The following PDCD6 variants were observed in gnomAD, a reference collection of about 807,000 sequenced individuals.
PDCD6 encodes the protein programmed cell death 6.
PDCD6 carries 12 observed loss-of-function variants against 28.3 expected under a neutral mutation model. The ratio of observed to expected loss-of-function variants is 0.42; its 90% CI spans 0.27 to 0.69. The LOEUF (loss-of-function observed/expected upper bound fraction) is 0.69, where lower values mean the gene tolerates loss of function less well. Among genes scored for constraint, PDCD6 ranks in the 30% least tolerant of loss-of-function variants. The pLI is 0.22. For missense variants in PDCD6, 226 were observed against 269.9 expected, an observed-to-expected ratio of 0.84 and a Z score of 1.14; for synonymous variants, 92 against 108.0, an observed-to-expected ratio of 0.85 and a Z score of 0.92.
At chr5:271,926 C>T in intron 1 of PDCD6, 105 bp downstream of exon 1, 1 of 520,418 alleles carries the variant, frequency 1.9e-6, no homozygotes, top group Non-Finnish European at 3.1e-6. Flanking sequence ...TCTACTGCGG[C>T]CTCCTCCGTC....
intron 3 of PDCD6, chr5:306,007 C>T (rs1157466991): frequency 6.5e-6 from 1 of 153,908 alleles, no homozygotes; most frequent in Non-Finnish European, 1.4e-5. Flanking sequence ...GTTTTTTAGC[C>T]ATATTGCAAC....
At position 290,376 on chromosome 5, in the gene PDCD6, C is replaced by T. The variant is rs551924273; in HGVS notation, c.164-13801C>T. 1.9e-4 allele frequency: 171 copies of T among 909,594 alleles called. 1 individual carries two copies. Among genetic ancestry groups the T allele is most frequent in the South Asian group, 1.3e-3 (88 of 68,502 alleles). 56.3% of individuals were successfully genotyped at this position (909,594 alleles called of 1,614,324 possible). ...CTCCCTCCGCAGGTCTCTTGGGGAC[C>T]GGAATGCCTCCCCCCACCCCCCGAC... On this transcript the variant is annotated intron_variant, in intron 2 of 5. Coordinates refer to ENST00000264933, the MANE Select transcript of PDCD6 (RefSeq NM_013232.4).
rs1561046930 is a variant in PDCD6 at position 302,395 on chromosome 5, C to CTGTGTG, written c.164-1780_164-1775dup. 3.7e-4 allele frequency among the ~76,000 whole-genome samples: 28 copies of CTGTGTG among 76,196 alleles called. 1 individual carries two copies. The highest frequency in any genetic ancestry group is 2.0e-3 in the African/African-American group (17 of 8,426). The allele number at this position is 76,196 out of a possible 152,430, so 50.0% of individuals were successfully genotyped here. ...GGAGGGTGGGTCGTGGAGTGCTGCTCTGTGTGTATGCCTCAGGTTCAGGTG... is the reference window on the plus strand; with the variant it reads ...GGAGGGTGGGTCGTGGAGTGCTGCTCTGTGTGTGTGTGTATGCCTCAGGTTCAGGTG... On this transcript the variant is annotated intron_variant, in intron 2 of 5. Transcript: ENST00000264933.
rs1740466339 is a variant in PDCD6, at chr5:306,163, T to C, written c.209-439T>C. On this transcript the variant is annotated intron_variant, in intron 3 of 5. Coordinates refer to ENST00000264933, the MANE Select transcript of PDCD6 (RefSeq NM_013232.4). ...AAGACTCCACCAGTGCTGTGGGCCC[T>C]GGAGAGTCAGAGGGTCAGCTCTGGG... The C allele has an allele frequency of 1.0e-5, 2 of 197,492 alleles. 1 individual carries two copies. Among genetic ancestry groups the C allele is most frequent in the South Asian group, 2.1e-4 (2 of 9,668 alleles). The allele number at this position is 197,492 out of a possible 1,614,324, so 12.2% of individuals were successfully genotyped here.
chr5:275,048 G>C (rs1738100470), intron 2 of PDCD6, among the ~76,000 whole-genome samples: 1 of 84,614 alleles, frequency 1.2e-5, no homozygotes, highest in African/African-American at 4.2e-5. Context: ...CCTTTACCTT[G>C]GGCTCTGAGC....
intron 2 of PDCD6, among the ~76,000 whole-genome samples, chr5:275,536 G>A (rs1250280694): frequency 2.0e-5 from 3 of 152,252 alleles, no homozygotes; most frequent in Non-Finnish European, 4.4e-5. Context: ...TGGCTCACCA[G>A]TAATGAGAGT....
chr5:281,189 A>G (rs1281022400), intron 2 of PDCD6, among the ~76,000 whole-genome samples: 2 of 152,272 alleles, frequency 1.3e-5, no homozygotes, highest in Non-Finnish European at 2.9e-5. Flanking sequence ...ATGAACATAA[A>G]AGAGACATCG....
rs1579508738 is a variant in PDCD6 at position 291,429 on chromosome 5, CTCCATTCTCT to C, written c.164-12747_164-12738del. ...TTTTCATTGCTGCGTGATCTCCCGT[CTCCATTCTCT>C]GCCTGAGACCCACCCACACTGACAT... On this transcript the variant is annotated intron_variant, in intron 2 of 5. Transcript: ENST00000264933. Among the ~76,000 whole-genome samples, 95 of 151,776 alleles carry C rather than the reference CTCCATTCTCT, an allele frequency of 6.3e-4. 1 individual carries two copies. The East Asian group carries it at 0.011, about 18-fold the overall frequency.
Position 311,315 on chromosome 5 carries a change from C to G in PDCD6, c.390C>G (p.Phe130Leu), listed in dbSNP as rs1740899683. Residue 130 changes from phenylalanine to leucine, a missense_variant, in exon 5 of 6, where the codon TTC (phenylalanine) becomes TTG (leucine). Physicochemically the swap from Phe to Leu is conservative, Grantham distance 22. Coordinates refer to ENST00000264933, the MANE Select transcript of PDCD6 (RefSeq NM_013232.4). ...AAGGCTACCGGCTCTCTGACCAGTT[C>G]CACGACATCCTCATTCGAAAGTTTG... is the stretch of plus-strand genomic sequence containing the variant. ...SGFGYRLSDQ[F>L]HDILIRKFDR... The G allele has an allele frequency of 6.2e-7, 1 of 1,613,942 alleles. No homozygotes were observed.
Position 289,527 on chromosome 5 carries a change from G to C in PDCD6, c.164-14650G>C. On this transcript the variant is annotated intron_variant, in intron 2 of 5. Coordinates refer to ENST00000264933, the MANE Select transcript of PDCD6 (RefSeq NM_013232.4). ...CTTCTACCATAACCGAAGAAATTTC[G>C]CTGCAAGTCGCTTGAATGGCTGTTT... is the stretch of plus-strand genomic sequence containing the variant. The C allele has an allele frequency of 6.8e-6, 5 of 731,370 alleles. No individual in the cohort carries two copies. In the South Asian group the frequency reaches 7.8e-5, roughly 11 times the overall value. The allele number at this position is 731,370 out of a possible 1,614,324, so 45.3% of individuals were successfully genotyped here. A position where few individuals can be genotyped will look rare whatever the true frequency, so the allele number is the denominator to read the frequency against.
chr5:290,056 A>G (rs552517829), intron 2 of PDCD6: 8 of 1,584,802 alleles, frequency 5.0e-6, no homozygotes, highest in Middle Eastern at 1.8e-4. Flanking sequence ...TCCAGTGACA[A>G]TTCTCAGTAT....
intron 2 of PDCD6, chr5:276,974 T>G (rs532384919): frequency 1.0e-6 from 1 of 978,782 alleles, no homozygotes; most frequent in Non-Finnish European, 1.2e-6. Flanking sequence ...GTGTTTGGGG[T>G]TTTTTTAACA....
chr5:282,836 G>C (rs1738673121), intron 2 of PDCD6, among the ~76,000 whole-genome samples: 1 of 133,694 alleles, frequency 7.5e-6, no homozygotes, highest in Non-Finnish European at 1.6e-5. Context: ...TGCAGCTGCA[G>C]ACGTGGAGAA....
At chr5:302,134 T>G (rs1259583811) in intron 2 of PDCD6, among the ~76,000 whole-genome samples, 1 of 131,766 alleles carries the variant, frequency 7.6e-6, no homozygotes, top group African/African-American at 2.8e-5. Context: ...CACCTGCCTT[T>G]GTGGGAATAG....
chr5:290,312 C>G, intron 2 of PDCD6: 3 of 1,314,096 alleles, frequency 2.3e-6, no homozygotes, highest in East Asian at 2.3e-5. Context: ...TGGAGACTCT[C>G]AACGTCCATG....
chr5:296,809 A>T (rs1739645900), intron 2 of PDCD6, among the ~76,000 whole-genome samples: 1 of 151,964 alleles, frequency 6.6e-6, no homozygotes, highest in Non-Finnish European at 1.5e-5. Context: ...TTTGCTTCTG[A>T]GAGTCTGTTT....
intron 5 of PDCD6, 130 bp downstream of exon 5, chr5:311,532 G>A (rs1740916505): frequency 6.2e-6 from 4 of 646,986 alleles, no homozygotes; most frequent in Non-Finnish European, 1.1e-5. Flanking sequence ...ATAAAAGTGA[G>A]TCTCATCTTT....
chr5:303,124 G>A (rs1189056395), intron 2 of PDCD6, among the ~76,000 whole-genome samples: 4 of 152,138 alleles, frequency 2.6e-5, no homozygotes, highest in African/African-American at 9.7e-5. Context: ...CTTCAGGTGA[G>A]AGCGGGCATG....
At chr5:287,771 A>G (rs1739062813) in intron 2 of PDCD6, among the ~76,000 whole-genome samples, 1 of 152,224 alleles carries the variant, frequency 6.6e-6, no homozygotes, top group South Asian at 2.1e-4. Flanking sequence ...CATTTAGCTC[A>G]GGTACATATT....
Sources: gnomAD v4.1 joint callset for allele counts (sites outside exome capture counted in the v4.1 genomes callset) on GRCh38, gnomAD v4.1.1 for gene constraint, MANE v1.5 for transcripts, NCBI Gene and HGNC (gene_info 2026-07-23, HGNC 2026-07-21) for gene names.